The following CAMK4 variants were observed in gnomAD, a reference collection of about 807,000 sequenced individuals.
CAMK4 encodes the protein calcium/calmodulin dependent protein kinase IV, also known as calcium/calmodulin-dependent protein kinase type IV.
A neutral mutation model predicts 44.9 loss-of-function variants in CAMK4; 22 were observed. The ratio of observed to expected loss-of-function variants is 0.49; its 90% CI spans 0.35 to 0.70. CAMK4 has a LOEUF of 0.70. CAMK4 is among the 30% of genes least tolerant of loss of function. The pLI, the probability that CAMK4 is intolerant of heterozygous loss-of-function variation, is 0.01. For missense variants in CAMK4, 498 were observed against 586.8 expected (o/e 0.85, Z 1.56); for synonymous variants, 218 against 215.4 (o/e 1.01, Z -0.11).
intron 1 of CAMK4, among the ~76,000 whole-genome samples, chr5:111,328,632 C>G (rs1054550970): frequency 6.6e-6 from 1 of 151,992 alleles, no homozygotes. Flanking sequence ...ATTGATTCTT[C>G]CTACCCATGA....
chr5:111,298,897 G>T (rs1197054429), intron 1 of CAMK4, among the ~76,000 whole-genome samples: 3 of 152,212 alleles, frequency 2.0e-5, no homozygotes, highest in African/African-American at 4.8e-5. Flanking sequence ...CCCTGCAGGG[G>T]ATCTAATGAG....
intron 1 of CAMK4, among the ~76,000 whole-genome samples, chr5:111,251,614 T>G (rs1749496906): frequency 6.6e-6 from 1 of 152,244 alleles, no homozygotes; most frequent in East Asian, 1.9e-4. Flanking sequence ...TGGATTTAAT[T>G]TGAGAAGGCC....
chr5:111,464,802 C>A (rs1754765179), intron 7 of CAMK4, among the ~76,000 whole-genome samples: 1 of 152,178 alleles, frequency 6.6e-6, no homozygotes, highest in South Asian at 2.1e-4. Flanking sequence ...TAATCCTCAA[C>A]TTAGTTTACA....
At chr5:111,319,682 T>C (rs1432744846) in intron 1 of CAMK4, among the ~76,000 whole-genome samples, 1 of 152,146 alleles carries the variant, frequency 6.6e-6, no homozygotes, top group Non-Finnish European at 1.5e-5. Flanking sequence ...ATGGGGACTG[T>C]TGGGATCCCT....
At chr5:111,426,651 C>T (rs998673856) in intron 5 of CAMK4, among the ~76,000 whole-genome samples, 12 of 152,142 alleles carry the variant, frequency 7.9e-5, no homozygotes, top group African/African-American at 2.9e-4. Context: ...TCCCCCACCC[C>T]CAATGGTACC....
rs552028929 is a variant in CAMK4, at chr5:111,363,699, A to T, written c.241-11151A>T. ...TGAACCAAGTGAAAAAAGAGGCCTG[A>T]TGGAAGAGGGAACAGCAAATGCAAA... On this transcript the variant is annotated intron_variant, in intron 2 of 10. Transcript: ENST00000282356. 2.7e-5 allele frequency among the ~76,000 whole-genome samples: 4 copies of T among 148,622 alleles called. No homozygotes were observed. The South Asian group carries it at 8.3e-4, about 31-fold the overall frequency.
At chr5:111,337,230 C>T (rs1174790834) in intron 1 of CAMK4, among the ~76,000 whole-genome samples, 3 of 151,070 alleles carry the variant, frequency 2.0e-5, no homozygotes, top group Non-Finnish European at 1.5e-5. Context: ...ATGGATGTAT[C>T]ACAAATTGTT....
chr5:111,300,727 GGAGA>G (rs887372303), intron 1 of CAMK4, among the ~76,000 whole-genome samples: 1 of 152,046 alleles, frequency 6.6e-6, no homozygotes, highest in Non-Finnish European at 1.5e-5. Context: ...TAAATTGGCT[GGAGA>G]GAGATGTTAT....
At chr5:111,310,097 G>T (rs1179747015) in intron 1 of CAMK4, among the ~76,000 whole-genome samples, 1 of 152,042 alleles carries the variant, frequency 6.6e-6, no homozygotes, top group Non-Finnish European at 1.5e-5. Context: ...TATTTACCTA[G>T]GCTAACAAGG....
chr5:111,330,565 T>C (rs148097132), intron 1 of CAMK4, among the ~76,000 whole-genome samples: 7 of 151,768 alleles, frequency 4.6e-5, no homozygotes, highest in Non-Finnish European at 1.0e-4. Flanking sequence ...AAAAGTAGAA[T>C]AACCAGAATA....
intron 4 of CAMK4, 47 bp downstream of exon 4, chr5:111,376,989 C>A: frequency 2.5e-6 from 3 of 1,210,926 alleles, no homozygotes; most frequent in Non-Finnish European, 3.6e-6. Context: ...TGCTTTTGGC[C>A]ACCAAAAAAT....
intron 1 of CAMK4, among the ~76,000 whole-genome samples, chr5:111,294,565 C>T (rs891973530): frequency 2.6e-5 from 4 of 152,060 alleles, no homozygotes; most frequent in African/African-American, 9.7e-5. Flanking sequence ...ATATATTATT[C>T]AGTTCAAAAG....
chr5:111,401,530 C>CG (rs1554068229), intron 5 of CAMK4, among the ~76,000 whole-genome samples: 2 of 151,360 alleles, frequency 1.3e-5, no homozygotes, highest in Non-Finnish European at 2.9e-5. Flanking sequence ...ATCTGAGCAT[C>CG]AAAAAAAATA....
At chr5:111,230,226 C>T (rs1748404641) in intron 1 of CAMK4, among the ~76,000 whole-genome samples, 1 of 152,132 alleles carries the variant, frequency 6.6e-6, no homozygotes, top group Non-Finnish European at 1.5e-5. Flanking sequence ...TAGCTGCCAC[C>T]TCTGTAGCTT....
chr5:111,271,556 G>A (rs949869279), intron 1 of CAMK4, among the ~76,000 whole-genome samples: 8 of 152,222 alleles, frequency 5.3e-5, no homozygotes, highest in Admixed American at 6.5e-5. Flanking sequence ...AGTGGGAGGA[G>A]ATGGGAGCAA....
chr5:111,420,346 C>A (rs1752978913), intron 5 of CAMK4, among the ~76,000 whole-genome samples: 1 of 151,956 alleles, frequency 6.6e-6, no homozygotes, highest in Non-Finnish European at 1.5e-5. Flanking sequence ...TGGGGTGAGA[C>A]AATGGGGTTT....
chr5:111,388,430 T>C (rs902807907), intron 4 of CAMK4, among the ~76,000 whole-genome samples: 8 of 152,208 alleles, frequency 5.3e-5, no homozygotes, highest in African/African-American at 1.9e-4. Flanking sequence ...TTAGAAGTTA[T>C]GAATGTGGAT....
chr5:111,435,276 A>G (rs1753604315), intron 5 of CAMK4, among the ~76,000 whole-genome samples: 1 of 152,204 alleles, frequency 6.6e-6, no homozygotes, highest in African/African-American at 2.4e-5. Flanking sequence ...AGGAAAAACT[A>G]CAAATTTTCA....
chr5:111,229,005 A>G (rs1748333726), intron 1 of CAMK4, among the ~76,000 whole-genome samples: 1 of 152,190 alleles, frequency 6.6e-6, no homozygotes, highest in Non-Finnish European at 1.5e-5. Flanking sequence ...GAAGTGGTAT[A>G]TTCTACATGG....
Sources: allele counts gnomAD v4.1 joint callset (sites outside exome capture counted in the v4.1 genomes callset), GRCh38; gene constraint gnomAD v4.1.1; transcripts MANE v1.5; gene names NCBI Gene and HGNC (gene_info 2026-07-23, HGNC 2026-07-21).